The following CLIC4 variants were observed in gnomAD, a reference collection of about 807,000 sequenced individuals.
CLIC4 encodes CLIC family member 4.
CLIC4 carries 13 observed loss-of-function variants against 24.6 expected under a neutral mutation model. That is an observed-to-expected ratio of 0.53 (90% confidence interval 0.34 to 0.84). CLIC4 has a LOEUF of 0.84. Ranked by LOEUF, CLIC4 falls within the 40% of genes least tolerant of loss-of-function variation. The probability of loss-of-function intolerance (pLI) is 0.01; values close to 1 mark genes in which losing one functional copy is unlikely to be tolerated. For synonymous variants in CLIC4, 104 were observed against 111.3 expected (o/e 0.93, Z 0.41); for missense variants, 227 against 301.7 (o/e 0.75, Z 1.83).
intron 1 of CLIC4, among the ~76,000 whole-genome samples, chr1:24,751,935 C>T (rs879477142): frequency 6.6e-6 from 1 of 152,194 alleles, no homozygotes; most frequent in East Asian, 1.9e-4. Context: ...GGAATTTAAA[C>T]TTGTTGTTGT....
At chr1:24,768,016 T>C (rs1363114094) in intron 1 of CLIC4, among the ~76,000 whole-genome samples, 2 of 152,068 alleles carry the variant, frequency 1.3e-5, no homozygotes, top group South Asian at 2.1e-4. Flanking sequence ...AATTTTTGTA[T>C]TTTTAGTAGA....
chr1:24,765,327 A>C (rs1245021504), intron 1 of CLIC4, among the ~76,000 whole-genome samples: 1 of 152,240 alleles, frequency 6.6e-6, no homozygotes, highest in Non-Finnish European at 1.5e-5. Context: ...TGCTGAAGGA[A>C]TATATAGAAG....
intron 1 of CLIC4, among the ~76,000 whole-genome samples, chr1:24,774,664 G>T (rs1571237270): frequency 1.3e-5 from 2 of 152,090 alleles, no homozygotes; most frequent in African/African-American, 2.4e-5. Flanking sequence ...ATGGTGGCAG[G>T]TGCCTGGTCC....
intron 3 of CLIC4, among the ~76,000 whole-genome samples, chr1:24,822,549 A>G (rs1009412798): frequency 6.6e-6 from 1 of 151,832 alleles, no homozygotes; most frequent in Non-Finnish European, 1.5e-5. Context: ...GGGTTTCACC[A>G]TGTTGGCCAG....
chr1:24,803,734 T>C (rs545444990), intron 2 of CLIC4, among the ~76,000 whole-genome samples: 3 of 152,306 alleles, frequency 2.0e-5, no homozygotes, highest in Admixed American at 6.5e-5. Flanking sequence ...GTTAAAGATG[T>C]TCTGGCATGT....
At chr1:24,789,587 C>T (rs1436806705) in intron 1 of CLIC4, among the ~76,000 whole-genome samples, 1 of 152,092 alleles carries the variant, frequency 6.6e-6, no homozygotes, top group Non-Finnish European at 1.5e-5. Context: ...TAGTTTTTCT[C>T]TGTTGTTTAG....
At chr1:24,827,171 G>A in intron 4 of CLIC4, 55 bp downstream of exon 4, 2 of 1,064,994 alleles carry the variant, frequency 1.9e-6, no homozygotes, top group Non-Finnish European at 1.4e-6. Context: ...AACAACAACA[G>A]GCTGTTATTA....
chr1:24,828,031 A>C (rs1639804192), intron 4 of CLIC4, among the ~76,000 whole-genome samples: 1 of 152,182 alleles, frequency 6.6e-6, no homozygotes, highest in Non-Finnish European at 1.5e-5. Flanking sequence ...TTCTTTTGAG[A>C]AGAAGTTTAT....
chr1:24,747,456 C>T (rs1232199166), intron 1 of CLIC4, among the ~76,000 whole-genome samples: 1 of 150,498 alleles, frequency 6.6e-6, no homozygotes, highest in Admixed American at 6.6e-5. Flanking sequence ...ATTGCTTGAA[C>T]CCGGGAGGCA....
chr1:24,793,512 T>A (rs1053644590), intron 1 of CLIC4, among the ~76,000 whole-genome samples: 1 of 152,172 alleles, frequency 6.6e-6, no homozygotes, highest in African/African-American at 2.4e-5. Context: ...TGAATCAGAA[T>A]CTCTAGATAT....
At chr1:24,784,006 T>C (rs1474942098) in intron 1 of CLIC4, among the ~76,000 whole-genome samples, 1 of 149,744 alleles carries the variant, frequency 6.7e-6, no homozygotes, top group African/African-American at 2.5e-5. Context: ...AGTTTTGATT[T>C]TTTTTTTTTT....
chr1:24,838,105 G>A (rs1639903892), intron 4 of CLIC4, among the ~76,000 whole-genome samples: 1 of 151,982 alleles, frequency 6.6e-6, no homozygotes, highest in Non-Finnish European at 1.5e-5. Flanking sequence ...TTTCTCCTTG[G>A]GAAGGTAAAT....
intron 2 of CLIC4, among the ~76,000 whole-genome samples, chr1:24,798,353 CAT>C (rs932724846): frequency 9.2e-5 from 14 of 152,138 alleles, no homozygotes; most frequent in Non-Finnish European, 1.6e-4. Context: ...GTATTTTAAT[CAT>C]ATTTGTTTAA....
chr1:24,748,326 T>G (rs1638730782), intron 1 of CLIC4, among the ~76,000 whole-genome samples: 2 of 152,052 alleles, frequency 1.3e-5, no homozygotes. Context: ...TTGGGCTTGG[T>G]GGCAGAGAAT....
intron 3 of CLIC4, among the ~76,000 whole-genome samples, chr1:24,815,456 C>T (rs1320822473): frequency 1.3e-5 from 2 of 152,124 alleles, no homozygotes; most frequent in Non-Finnish European, 2.9e-5. Flanking sequence ...GAGCCAAGAT[C>T]GTGCCACTGC....
intron 4 of CLIC4, among the ~76,000 whole-genome samples, chr1:24,830,610 GA>G (rs1183421262): frequency 6.6e-6 from 1 of 152,084 alleles, no homozygotes; most frequent in Non-Finnish European, 1.5e-5. Flanking sequence ...CCACAAACAT[GA>G]AAGTATTCAT....
At chr1:24,809,755 C>T (rs944640588) in intron 2 of CLIC4, among the ~76,000 whole-genome samples, 14 of 152,092 alleles carry the variant, frequency 9.2e-5, no homozygotes, top group African/African-American at 3.4e-4. Context: ...GCCACCATGC[C>T]CAGCCAATAT....
intron 4 of CLIC4, among the ~76,000 whole-genome samples, chr1:24,832,014 C>A (rs1553194750): frequency 1.3e-5 from 2 of 152,148 alleles, no homozygotes; most frequent in Non-Finnish European, 2.9e-5. Context: ...CTCCTTTTCT[C>A]TTTTTTCCTC....
chr1:24,827,483 A>C (rs1229356678), intron 4 of CLIC4, among the ~76,000 whole-genome samples: 1 of 150,978 alleles, frequency 6.6e-6, no homozygotes, highest in African/African-American at 2.4e-5. Flanking sequence ...GGTTGAGCTT[A>C]ATTTAAACTG....
Sources: allele counts gnomAD v4.1 joint callset (sites outside exome capture counted in the v4.1 genomes callset), GRCh38; gene constraint gnomAD v4.1.1; transcripts MANE v1.5; gene names NCBI Gene and HGNC (gene_info 2026-07-23, HGNC 2026-07-21).